The following GRIA4 variants were observed in gnomAD, a reference collection of about 807,000 sequenced individuals.
GRIA4 encodes the protein glutamate receptor 4.
A neutral mutation model predicts 104.0 loss-of-function variants in GRIA4; 34 were observed. The ratio of observed to expected loss-of-function variants is 0.33; its 90% CI spans 0.25 to 0.44. The LOEUF (loss-of-function observed/expected upper bound fraction) is 0.44. GRIA4 is among the 20% of genes least tolerant of loss of function. The pLI, the probability that GRIA4 is intolerant of heterozygous loss-of-function variation, is 1.00. For missense variants in GRIA4, 750 were observed against 1,096.5 expected (o/e 0.68, Z 4.46); for synonymous variants, 386 against 381.9 (o/e 1.01, Z -0.13).
intron 14 of GRIA4, among the ~76,000 whole-genome samples, chr11:105,971,225 TA>T (rs1858674057): frequency 6.6e-6 from 1 of 152,196 alleles, no homozygotes; most frequent in Admixed American, 6.5e-5. Flanking sequence ...ATAGACAAGA[TA>T]GATGAAAATT....
At chr11:105,825,817 TATG>T (rs1051223728) in intron 4 of GRIA4, among the ~76,000 whole-genome samples, 2 of 152,064 alleles carry the variant, frequency 1.3e-5, no homozygotes, top group African/African-American at 4.8e-5. Context: ...GGAGATCCCT[TATG>T]ATATTTATGA....
chr11:105,743,047 CCTAAACTGGGTGCG>C (rs1191133113), intron 3 of GRIA4, among the ~76,000 whole-genome samples: 1 of 152,070 alleles, frequency 6.6e-6, no homozygotes, highest in Non-Finnish European at 1.5e-5. Context: ...GTTCTGTGTG[CCTAAACTGGGTGCG>C]CATATAAGGC....
intron 4 of GRIA4, among the ~76,000 whole-genome samples, chr11:105,808,278 T>C (rs1297351537): frequency 3.9e-5 from 6 of 151,966 alleles, no homozygotes; most frequent in Admixed American, 6.6e-5. Flanking sequence ...ATGCTACTCA[T>C]ATCTAGAACC....
At position 105,633,308 on chromosome 11, in the gene GRIA4, A is replaced by G. The variant is rs113141455; in HGVS notation, c.247+20874A>G. Among the ~76,000 whole-genome samples the G allele has an allele frequency of 2.1e-3, 320 of 152,272 alleles. 1 individual carries two copies. The highest frequency in any genetic ancestry group is 7.0e-3 in the African/African-American group (290 of 41,558). ...TTAGAAGATTTATACATATTTCTAC[A>G]TATTTATTTTTTGTCAAATTCAAAG... On this transcript the variant is annotated intron_variant, in intron 3 of 16. Transcript: ENST00000282499.
chr11:105,675,402 C>T (rs1435418514), intron 3 of GRIA4, among the ~76,000 whole-genome samples: 2 of 151,698 alleles, frequency 1.3e-5, no homozygotes, highest in Non-Finnish European at 3.0e-5. Flanking sequence ...GAATAGTTCC[C>T]AACATTTAGG....
rs1945238807 is a variant in GRIA4, at chr11:105,861,931, G to T, written c.488-93G>T. ...GTTTCTAAGCATTCAGTATATTTTG[G>T]AACATAACAGTGTTGATATAGGCTC... is the stretch of plus-strand genomic sequence containing the variant. On this transcript the variant is annotated intron_variant, in intron 4 of 16. Coordinates refer to ENST00000282499, the MANE Select transcript of GRIA4 (RefSeq NM_000829.4). 1.9e-5 allele frequency: 14 copies of T among 726,652 alleles called. No individual in the cohort carries two copies. In the South Asian group the frequency reaches 2.5e-4, roughly 13 times the overall value. 45.0% of individuals were successfully genotyped at this position (726,652 alleles called of 1,614,324 possible). A position where few individuals can be genotyped will look rare whatever the true frequency, so the allele number is the denominator to read the frequency against.
At chr11:105,735,561 A>T (rs1205907709) in intron 3 of GRIA4, among the ~76,000 whole-genome samples, 1 of 152,144 alleles carries the variant, frequency 6.6e-6, no homozygotes, top group African/African-American at 2.4e-5. Flanking sequence ...CATTTCTATT[A>T]ATTTATAAGT....
chr11:105,899,795 T>C (rs1246808565), intron 7 of GRIA4, among the ~76,000 whole-genome samples: 3 of 152,200 alleles, frequency 2.0e-5, no homozygotes, highest in Non-Finnish European at 4.4e-5. Flanking sequence ...TAATGTATTG[T>C]TGGTTCATGG....
intron 5 of GRIA4, among the ~76,000 whole-genome samples, chr11:105,871,712 G>A (rs1396257945): frequency 6.6e-6 from 1 of 151,614 alleles, no homozygotes; most frequent in Admixed American, 6.6e-5. Flanking sequence ...TAAAAGCAAA[G>A]AGAATGACTT....
At chr11:105,932,634 T>A (rs1167743383) in intron 13 of GRIA4, among the ~76,000 whole-genome samples, 2 of 152,154 alleles carry the variant, frequency 1.3e-5, no homozygotes, top group Non-Finnish European at 2.9e-5. Context: ...TTTACAAATA[T>A]AAATAAGTTT....
At chr11:105,828,428 G>GT (rs1323814150) in intron 4 of GRIA4, among the ~76,000 whole-genome samples, 3 of 151,968 alleles carry the variant, frequency 2.0e-5, no homozygotes, top group Non-Finnish European at 4.4e-5. Flanking sequence ...TATGTGGTAT[G>GT]TATCCAGATA....
intron 4 of GRIA4, among the ~76,000 whole-genome samples, chr11:105,782,048 T>G (rs548272013): frequency 2.0e-5 from 3 of 152,154 alleles, no homozygotes; most frequent in Non-Finnish European, 2.9e-5. Context: ...CTGTTCCTCT[T>G]GCTGAATTTG....
At chr11:105,866,108 C>T (rs944378952) in intron 5 of GRIA4, among the ~76,000 whole-genome samples, 4 of 152,150 alleles carry the variant, frequency 2.6e-5, no homozygotes, top group Non-Finnish European at 5.9e-5. Flanking sequence ...TTTTCATTCT[C>T]TGAGAGATGG....
intron 9 of GRIA4, among the ~76,000 whole-genome samples, chr11:105,908,620 A>AT (rs1947127387): frequency 6.6e-6 from 1 of 151,908 alleles, no homozygotes; most frequent in African/African-American, 2.4e-5. Flanking sequence ...AGGCCAAAAA[A>AT]AAAAATAAAG....
In GRIA4 at chr11:105,954,929, T is replaced by A. The variant is rs1023395775; in HGVS notation, c.2295-16985T>A. ...TTCAATTTATATATATATATATATATAATGCCATATAAAATGTTATATATA... is the reference window on the plus strand; with the variant it reads ...TTCAATTTATATATATATATATATAAAATGCCATATAAAATGTTATATATA... On this transcript the variant is annotated intron_variant, in intron 14 of 16. Coordinates refer to ENST00000282499, the MANE Select transcript of GRIA4 (RefSeq NM_000829.4). Among the ~76,000 whole-genome samples the A allele has an allele frequency of 2.4e-3, 344 of 140,744 alleles. 2 individuals carry two copies. The highest frequency in any genetic ancestry group is 8.7e-3 in the African/African-American group (331 of 38,248). The allele number at this position is 140,744 out of a possible 152,430, so 92.3% of individuals were successfully genotyped here. A position where few individuals can be genotyped will look rare whatever the true frequency, so the allele number is the denominator to read the frequency against.
chr11:105,731,254 C>T (rs931434000), intron 3 of GRIA4, among the ~76,000 whole-genome samples: 37 of 152,212 alleles, frequency 2.4e-4, no homozygotes, highest in African/African-American at 8.4e-4. Context: ...GACATTCATG[C>T]GGCCAACAAA....
chr11:105,862,186 G>T lies in GRIA4; in HGVS notation c.650G>T (p.Arg217Ile), dbSNP rs1008695411. ...TTTGTAATAGACTGTGAGATAGAGA[G>T]ACTTCAAAACATATTAGAACAGGTA... is the stretch of plus-strand genomic sequence containing the variant. ...KKFVIDCEIERLQNILEQIVS... is the reference protein window; with the variant it reads ...KKFVIDCEIEILQNILEQIVS... Residue 217 changes from arginine (R) to isoleucine (I), a missense_variant, in exon 5 of 17, where the codon AGA becomes ATA. This residue lies in a region of GRIA4 where 410 missense variants were observed against 502.7 expected (regional missense o/e 0.82). Coordinates refer to ENST00000282499, the MANE Select transcript of GRIA4 (RefSeq NM_000829.4). 7 of 1,594,716 alleles carry T rather than the reference G, an allele frequency of 4.4e-6. No individual in the cohort carries two copies. Among genetic ancestry groups the T allele is most frequent in the Non-Finnish European group, 6.0e-6 (7 of 1,162,692 alleles).
intron 3 of GRIA4, among the ~76,000 whole-genome samples, chr11:105,660,102 G>A (rs1324581723): frequency 6.6e-6 from 1 of 151,560 alleles, no homozygotes; most frequent in East Asian, 1.9e-4. Flanking sequence ...TCTAACGTTT[G>A]GTTAATAATA....
At chr11:105,934,049 G>C (rs1245329518) in intron 14 of GRIA4, 80 bp downstream of exon 14, 11 of 1,184,704 alleles carry the variant, frequency 9.3e-6, no homozygotes, top group Non-Finnish European at 1.3e-5. Context: ...GAATTATTTT[G>C]TTTTGTGTGT....
Sources: allele counts gnomAD v4.1 joint callset (sites outside exome capture counted in the v4.1 genomes callset), GRCh38; gene constraint gnomAD v4.1.1; regional missense constraint gnomAD v4.1.1; transcripts MANE v1.5; gene names NCBI Gene and HGNC (gene_info 2026-07-23, HGNC 2026-07-21).